SPAG16: variants seen among roughly 807,000 people sequenced by gnomAD.
SPAG16 encodes the protein sperm-associated antigen 16 protein.
SPAG16 carries 86 observed loss-of-function variants against 80.4 expected under a neutral mutation model. The observed-to-expected ratio is 1.07, with a 90% CI of 0.90 to 1.28. The LOEUF (loss-of-function observed/expected upper bound fraction) is 1.28. SPAG16 is among the 50% of genes most tolerant of loss of function. The probability of loss-of-function intolerance (pLI) is 0.00; values close to 1 mark genes in which losing one functional copy is unlikely to be tolerated. For synonymous variants in SPAG16, 294 were observed against 265.9 expected (o/e 1.11, Z -1.03); for missense variants, 870 against 765.3 (o/e 1.14, Z -1.61).
At chr2:214,094,467 A>G (rs2052445537) in intron 13 of SPAG16, among the ~76,000 whole-genome samples, 1 of 152,146 alleles carries the variant, frequency 6.6e-6, no homozygotes, top group South Asian at 2.1e-4. Context: ...GAGCCTCAGA[A>G]ATCCTTTTTC....
At chr2:214,167,420 C>T (rs781658441) in intron 15 of SPAG16, among the ~76,000 whole-genome samples, 5 of 151,996 alleles carry the variant, frequency 3.3e-5, no homozygotes, top group Non-Finnish European at 7.4e-5. Flanking sequence ...GTTAGGATGC[C>T]CATGAGCCAA....
chr2:213,576,304 C>G (rs1391967278), intron 10 of SPAG16, among the ~76,000 whole-genome samples: 1 of 152,080 alleles, frequency 6.6e-6, no homozygotes, highest in Non-Finnish European at 1.5e-5. Context: ...GTACCAGTAC[C>G]ATGCTGTTTT....
intron 10 of SPAG16, among the ~76,000 whole-genome samples, chr2:213,528,460 ATG>A (rs966601652): frequency 3.3e-5 from 5 of 149,746 alleles, no homozygotes; most frequent in African/African-American, 9.7e-5. Context: ...TATGTAACAG[ATG>A]TGTGTGTGTG....
intron 15 of SPAG16, among the ~76,000 whole-genome samples, chr2:214,329,531 T>A (rs1402803118): frequency 6.6e-6 from 1 of 152,156 alleles, no homozygotes; most frequent in East Asian, 1.9e-4. Context: ...TACATTACTT[T>A]ATTGAATGTC....
intron 3 of SPAG16, among the ~76,000 whole-genome samples, chr2:213,304,352 C>A (rs2062857441): frequency 6.6e-6 from 1 of 151,990 alleles, no homozygotes; most frequent in African/African-American, 2.4e-5. Flanking sequence ...TGATTGTTTC[C>A]TTTGCTGTGC....
At chr2:213,793,963 A>G (rs1424646833) in intron 10 of SPAG16, among the ~76,000 whole-genome samples, 1 of 152,170 alleles carries the variant, frequency 6.6e-6, no homozygotes, top group Non-Finnish European at 1.5e-5. Context: ...TAACCAGTAC[A>G]TTTGAATTTA....
chr2:213,739,819 C>G (rs971969509), intron 10 of SPAG16, among the ~76,000 whole-genome samples: 1 of 152,174 alleles, frequency 6.6e-6, no homozygotes, highest in Non-Finnish European at 1.5e-5. Context: ...CCAGGTTGGT[C>G]TCAAACTCCT....
At chr2:214,063,417 C>T (rs2050378408) in intron 13 of SPAG16, among the ~76,000 whole-genome samples, 1 of 152,166 alleles carries the variant, frequency 6.6e-6, no homozygotes, top group Admixed American at 6.5e-5. Context: ...TCCCTGTCTG[C>T]TTCCAAGATG....
At chr2:214,133,464 G>A (rs977537855) in intron 14 of SPAG16, among the ~76,000 whole-genome samples, 1 of 152,070 alleles carries the variant, frequency 6.6e-6, no homozygotes, top group Non-Finnish European at 1.5e-5. Flanking sequence ...TTCGAGACCA[G>A]CCTGGCCAAC....
At chr2:213,768,690 A>C (rs2069081408) in intron 10 of SPAG16, among the ~76,000 whole-genome samples, 1 of 152,250 alleles carries the variant, frequency 6.6e-6, no homozygotes, top group Non-Finnish European at 1.5e-5. Flanking sequence ...TGTTTGTGAG[A>C]AATCCAAATG....
intron 12 of SPAG16, among the ~76,000 whole-genome samples, chr2:213,999,476 G>C (rs2046686249): frequency 6.6e-6 from 1 of 152,240 alleles, no homozygotes; most frequent in African/African-American, 2.4e-5. Flanking sequence ...GCAGAAGTTT[G>C]CTGCAGGGGC....
intron 12 of SPAG16, among the ~76,000 whole-genome samples, chr2:214,009,025 C>A (rs772175458): frequency 1.3e-5 from 2 of 152,166 alleles, no homozygotes; most frequent in Non-Finnish European, 2.9e-5. Flanking sequence ...CTCCACTTCA[C>A]CCAGGATTAA....
chr2:213,967,633 G>GA (rs1402424498), intron 12 of SPAG16, among the ~76,000 whole-genome samples: 3 of 152,098 alleles, frequency 2.0e-5, no homozygotes, highest in Non-Finnish European at 2.9e-5. Context: ...TAACTAAGAT[G>GA]AAAATTATGT....
In SPAG16 at chr2:214,153,031, C is replaced by T. The variant is rs140083330; in HGVS notation, c.1720+3765C>T. On this transcript the variant is annotated intron_variant, in intron 15 of 15. Transcript: ENST00000331683. ...AGGCCTCCGGATAACTGCGGGCAAG[C>T]CTGACTAGTGTCAGGCCCTCCACAA... Among the ~76,000 whole-genome samples, 403 of 152,182 alleles carry T rather than the reference C, an allele frequency of 2.6e-3. 2 individuals are homozygous for T. The highest frequency in any genetic ancestry group is 8.9e-3 in the African/African-American group (371 of 41,538).
At chr2:214,325,638 T>C (rs1696420962) in intron 15 of SPAG16, among the ~76,000 whole-genome samples, 1 of 152,206 alleles carries the variant, frequency 6.6e-6, no homozygotes, top group Non-Finnish European at 1.5e-5. Context: ...ATTATTCTTA[T>C]TCTAGTTGGC....
intron 15 of SPAG16, among the ~76,000 whole-genome samples, chr2:214,183,198 T>C (rs1406419975): frequency 3.9e-5 from 6 of 152,048 alleles, no homozygotes; most frequent in Non-Finnish European, 8.8e-5. Flanking sequence ...TTTCTATTTG[T>C]GGTTATCTGA....
At chr2:214,056,263 A>G (rs1237642346) in intron 13 of SPAG16, among the ~76,000 whole-genome samples, 1 of 148,786 alleles carries the variant, frequency 6.7e-6, no homozygotes, top group African/African-American at 2.5e-5. Context: ...TTTTTTTTGC[A>G]CAAGATGTAG....
intron 11 of SPAG16, among the ~76,000 whole-genome samples, chr2:213,901,277 G>A (rs1035071901): frequency 2.0e-5 from 3 of 152,154 alleles, no homozygotes; most frequent in East Asian, 1.9e-4. Context: ...AAAGAAGGAG[G>A]CTTAGTCAGC....
chr2:213,924,784 T>C (rs1355807829), intron 11 of SPAG16, among the ~76,000 whole-genome samples: 1 of 152,216 alleles, frequency 6.6e-6, no homozygotes, highest in African/African-American at 2.4e-5. Context: ...CTTTTATGTC[T>C]TTTAGCTTCC....
Sources: gnomAD v4.1 joint callset for allele counts (sites outside exome capture counted in the v4.1 genomes callset) on GRCh38, gnomAD v4.1.1 for gene constraint, MANE v1.5 for transcripts, NCBI Gene and HGNC (gene_info 2026-07-23, HGNC 2026-07-21) for gene names.